The following SPOPL variants were observed in gnomAD, a reference collection of about 807,000 sequenced individuals.
The protein encoded by SPOPL is speckle type BTB/POZ protein like.
A neutral mutation model predicts 53.8 loss-of-function variants in SPOPL; 23 were observed. The observed-to-expected ratio is 0.43, with a 90% CI of 0.31 to 0.61. The LOEUF is 0.61. Among genes scored for constraint, SPOPL ranks in the 20% least tolerant of loss-of-function variants. SPOPL has a pLI of 0.12. For missense variants in SPOPL, 442 were observed against 466.9 expected, an observed-to-expected ratio of 0.95 and a Z score of 0.49; for synonymous variants, 164 against 149.7, an observed-to-expected ratio of 1.10 and a Z score of -0.70.
At chr2:138,511,643 A>T (rs931314754) in intron 1 of SPOPL, among the ~76,000 whole-genome samples, 1 of 152,228 alleles carries the variant, frequency 6.6e-6, no homozygotes, top group African/African-American at 2.4e-5. Context: ...ACTGCGGATT[A>T]TAATTGTAAG....
chr2:138,512,983 C>T (rs1684359374), intron 1 of SPOPL, among the ~76,000 whole-genome samples: 1 of 152,204 alleles, frequency 6.6e-6, no homozygotes, highest in Admixed American at 6.5e-5. Flanking sequence ...GTCAGTGCTT[C>T]TTGAATGTTT....
intron 1 of SPOPL, among the ~76,000 whole-genome samples, chr2:138,521,221 T>C (rs567839741): frequency 1.1e-4 from 16 of 152,348 alleles, no homozygotes; most frequent in Admixed American, 5.2e-4. Context: ...TATTAACTTA[T>C]GGTGGAACTG....
intron 1 of SPOPL, among the ~76,000 whole-genome samples, chr2:138,545,028 G>T: frequency 6.6e-6 from 1 of 152,150 alleles, no homozygotes; most frequent in East Asian, 1.9e-4. Flanking sequence ...TGCCAGCTCT[G>T]ATTCCTTCTC....
chr2:138,551,010 A>G lies in SPOPL; in HGVS notation c.308A>G (p.Lys103Arg), dbSNP rs749513872. ...CPKSEVRAKF[K>R]FSLLNAKREE... Reference sequence around the variant, plus strand: ...AAAAGTGAAGTTCGAGCAAAATTCAAATTTTCCCTTCTGAATGCTAAAAGG... The same window carrying G: ...AAAAGTGAAGTTCGAGCAAAATTCAGATTTTCCCTTCTGAATGCTAAAAGG... The change falls in exon 4 of 11, where the codon AAA becomes AGA. Residue 103 changes from lysine (K) to arginine (R), a missense_variant. Lys to Arg is a conservative substitution (Grantham distance 26). Coordinates refer to ENST00000280098, the MANE Select transcript of SPOPL (RefSeq NM_001001664.3). The G allele has an allele frequency of 6.2e-7, 1 of 1,613,322 alleles. No homozygotes were observed. The highest frequency in any genetic ancestry group is 8.5e-7 in the Non-Finnish European group (1 of 1,179,568).
chr2:138,562,235 ATAAAG>A (rs943049564), intron 8 of SPOPL, among the ~76,000 whole-genome samples: 1 of 152,030 alleles, frequency 6.6e-6, no homozygotes, highest in Non-Finnish European at 1.5e-5. Flanking sequence ...GAAAAAAAGA[ATAAAG>A]TAGAGGACTA....
Position 138,570,555 on chromosome 2 carries a change from C to T in SPOPL, c.*1475C>T, listed in dbSNP as rs962217163. 1 of 152,008 alleles carries T rather than the reference C, an allele frequency of 6.6e-6. No homozygotes were observed. Among genetic ancestry groups the T allele is most frequent in the Non-Finnish European group, 1.5e-5 (1 of 67,996 alleles). The allele number at this position is 152,008 out of a possible 1,614,324, so 9.4% of individuals were successfully genotyped here. A position where few individuals can be genotyped will look rare whatever the true frequency, so the allele number is the denominator to read the frequency against. ...ACATCTGACTTACTGTGGTGGTGAC[C>T]AGTGTGCTTCTTAAGGGCAAGATTT... On this transcript the variant is annotated 3_prime_UTR_variant, in exon 11 of 11. Transcript: ENST00000280098.
chr2:138,561,051 A>C (rs970390033), intron 8 of SPOPL, 124 bp downstream of exon 8: 1 of 1,193,762 alleles, frequency 8.4e-7, no homozygotes, highest in African/African-American at 1.6e-5. Context: ...GCTTTATGAA[A>C]TAGCATACAG....
chr2:138,564,948 T>C lies in SPOPL; in HGVS notation c.989T>C (p.Val330Ala), dbSNP rs1354343688. 6.2e-7 allele frequency: 1 copy of C among 1,614,156 alleles called. No individual in the cohort carries two copies. The highest frequency in any genetic ancestry group is 1.1e-5 in the South Asian group (1 of 91,086). ...TTAAATCTTCAATGCAGGTGCAGTG[T>C]ACTTCGACAACTTGGGTGTAAAGAT... ...QAIDFINRCS[V>A]LRQLGCKDGK... Residue 330 changes from valine (V) to alanine (A), a missense_variant, in exon 10 of 11, where the codon GTA (valine) becomes GCA (alanine). Transcript: ENST00000280098.
At chr2:138,528,990 T>C (rs1684739810) in intron 1 of SPOPL, among the ~76,000 whole-genome samples, 1 of 152,238 alleles carries the variant, frequency 6.6e-6, no homozygotes, top group South Asian at 2.1e-4. Flanking sequence ...TCTGTTCTCA[T>C]CGTTTTTAAA....
At chr2:138,521,616 G>A (rs950753426) in intron 1 of SPOPL, among the ~76,000 whole-genome samples, 3 of 151,988 alleles carry the variant, frequency 2.0e-5, no homozygotes, top group African/African-American at 7.3e-5. Context: ...GTAAACAGAG[G>A]CTCTAAATCT....
chr2:138,555,121 A>C (rs1430117334), intron 5 of SPOPL, among the ~76,000 whole-genome samples: 1 of 116,142 alleles, frequency 8.6e-6, no homozygotes, highest in Non-Finnish European at 1.8e-5. Flanking sequence ...GGGTTGTTGG[A>C]GGGTAGGAGG....
chr2:138,536,744 T>C (rs749883933), intron 1 of SPOPL, among the ~76,000 whole-genome samples: 9 of 152,184 alleles, frequency 5.9e-5, no homozygotes, highest in Non-Finnish European at 1.2e-4. Context: ...CAGCCTCTAC[T>C]GTTTTTCAGA....
intron 1 of SPOPL, among the ~76,000 whole-genome samples, chr2:138,538,336 C>A (rs925731561): frequency 6.6e-6 from 1 of 152,078 alleles, no homozygotes; most frequent in Non-Finnish European, 1.5e-5. Flanking sequence ...ATTGTCTATT[C>A]TCTCTTTAAT....
chr2:138,563,402 A>G (rs1168036643), intron 8 of SPOPL, among the ~76,000 whole-genome samples: 4 of 152,166 alleles, frequency 2.6e-5, no homozygotes, highest in Non-Finnish European at 5.9e-5. Context: ...GGATTCCTTT[A>G]GCCCAGGAGG....
intron 2 of SPOPL, 60 bp from the exon 3 acceptor site, chr2:138,550,423 A>C: frequency 6.3e-7 from 1 of 1,590,222 alleles, no homozygotes; most frequent in Non-Finnish European, 8.6e-7. Flanking sequence ...GATGTTGAAC[A>C]TGTAACAAGT....
chr2:138,558,315 C>T (rs149181476), intron 5 of SPOPL, among the ~76,000 whole-genome samples: 73 of 152,166 alleles, frequency 4.8e-4, no homozygotes, highest in South Asian at 2.9e-3. Context: ...TGTAATCATA[C>T]CTTTTATTGA....
chr2:138,510,368 C>T (rs1159275010), intron 1 of SPOPL, among the ~76,000 whole-genome samples: 5 of 152,168 alleles, frequency 3.3e-5, no homozygotes, highest in Non-Finnish European at 1.5e-5. Flanking sequence ...TGTTCCATAT[C>T]CTTGTCAGTA....
intron 1 of SPOPL, among the ~76,000 whole-genome samples, chr2:138,528,486 G>C (rs1441853147): frequency 6.6e-6 from 1 of 152,020 alleles, no homozygotes; most frequent in Admixed American, 6.6e-5. Context: ...GTTGTTATTG[G>C]TTTATTTTTT....
At chr2:138,545,838 G>T (rs905321119) in intron 1 of SPOPL, among the ~76,000 whole-genome samples, 4 of 152,138 alleles carry the variant, frequency 2.6e-5, no homozygotes, top group African/African-American at 7.2e-5. Context: ...GAGTTTTGGA[G>T]CTCTCTACTA....
Sources: allele counts gnomAD v4.1 joint callset (sites outside exome capture counted in the v4.1 genomes callset), GRCh38; gene constraint gnomAD v4.1.1; transcripts MANE v1.5; gene names NCBI Gene and HGNC (gene_info 2026-07-23, HGNC 2026-07-21).